The following IL20RA variants were observed in gnomAD, a reference collection of about 807,000 sequenced individuals.
IL20RA encodes the protein interleukin-20 receptor subunit alpha.
In IL20RA, 29 loss-of-function variants were observed where a neutral mutation model predicts 36.5. The ratio of observed to expected loss-of-function variants is 0.79; its 90% CI spans 0.59 to 1.08. IL20RA has a LOEUF of 1.08. Among genes scored for constraint, IL20RA ranks in the 50% least tolerant of loss-of-function variants. The pLI is 0.00. For synonymous variants in IL20RA, 279 were observed against 267.1 expected, an observed-to-expected ratio of 1.04 and a Z score of -0.43; for missense variants, 652 against 668.4, an observed-to-expected ratio of 0.98 and a Z score of 0.27.
rs1775363468 is a variant in IL20RA, at chr6:137,008,756, A to C, written c.580-13T>G. On this transcript the variant is annotated splice_polypyrimidine_tract_variant and intron_variant, in intron 4 of 6. Transcript: ENST00000316649. ...CACACTGGGACCACTAGGATAGGGA[A>C]TTGCAAACATTGGTTAGAGCCAGAC... 3.8e-6 allele frequency: 6 copies of C among 1,562,360 alleles called. No homozygotes were observed. Among genetic ancestry groups the C allele is most frequent in the Non-Finnish European group, 5.2e-6 (6 of 1,154,014 alleles).
At chr6:137,007,513 GA>G (rs1387302279) in intron 5 of IL20RA, among the ~76,000 whole-genome samples, 1 of 152,142 alleles carries the variant, frequency 6.6e-6, no homozygotes, top group Non-Finnish European at 1.5e-5. Flanking sequence ...AGAAGCGGAG[GA>G]ATAATGGATG....
chr6:137,018,862 C>T (rs1253499946), intron 1 of IL20RA, among the ~76,000 whole-genome samples: 5 of 152,112 alleles, frequency 3.3e-5, no homozygotes, highest in Non-Finnish European at 5.9e-5. Flanking sequence ...AATGCTGTGG[C>T]CTACATTTTT....
Position 137,002,173 on chromosome 6 carries a change from C to T in IL20RA, c.1047G>A (p.Arg349=). 6 of 1,614,124 alleles carry T rather than the reference C, an allele frequency of 3.7e-6. No homozygotes were observed. Among genetic ancestry groups the T allele is most frequent in the Non-Finnish European group, 5.1e-6 (6 of 1,179,998 alleles). The change falls in exon 7 of 7, where the codon AGG becomes AGA. Residue 349 remains arginine, a synonymous_variant. Coordinates refer to ENST00000316649, the MANE Select transcript of IL20RA (RefSeq NM_014432.4). ...LNDPQPSGNL[R]PPQEEEEVKH... is the part of the protein sequence containing the mutation. ...TCACCTCCTCTTCCTCCTGAGGGGGCCTCAGGTTCCCGCTGGGCTGAGGAT... is the reference window on the plus strand; with the variant it reads ...TCACCTCCTCTTCCTCCTGAGGGGGTCTCAGGTTCCCGCTGGGCTGAGGAT...
Position 137,009,438 on chromosome 6 carries a change from A to G in IL20RA, c.458T>C (p.Val153Ala). Residue 153 changes from valine (V) to alanine (A), a missense_variant, in exon 4 of 7, where the codon GTT becomes GCT. By Grantham distance (64) the Val-to-Ala change is moderately conservative. Transcript: ENST00000316649. ...CCACTTCTCTGGAGCTGTCAGGACA[A>G]CAGAAATGGACTTCTCATCTGTAGT... Reference protein sequence around the residue: ...ALTTDEKSISVVLTAPEKWKR... With the variant: ...ALTTDEKSISAVLTAPEKWKR... 1.9e-6 allele frequency: 3 copies of G among 1,613,282 alleles called. No homozygotes were observed. Among genetic ancestry groups the G allele is most frequent in the Non-Finnish European group, 1.7e-6 (2 of 1,179,248 alleles).
chr6:137,022,398 G>A (rs1296882655), intron 1 of IL20RA, among the ~76,000 whole-genome samples: 1 of 152,110 alleles, frequency 6.6e-6, no homozygotes, highest in East Asian at 1.9e-4. Flanking sequence ...CCGAGAACAG[G>A]ATTTCTATTA....
At chr6:137,034,876 C>T (rs140373155) in intron 1 of IL20RA, among the ~76,000 whole-genome samples, 433 of 149,112 alleles carry the variant, frequency 2.9e-3, no homozygotes, top group African/African-American at 0.01. Context: ...ACCCGGAAGG[C>T]GGAGGTTGCA....
chr6:137,026,568 T>C (rs1200299630), intron 1 of IL20RA, among the ~76,000 whole-genome samples: 5 of 152,178 alleles, frequency 3.3e-5, no homozygotes, highest in African/African-American at 9.7e-5. Context: ...CATAGGCTTG[T>C]AGGGAAAGAA....
chr6:137,015,861 T>G (rs1775665410), intron 2 of IL20RA, among the ~76,000 whole-genome samples: 1 of 152,200 alleles, frequency 6.6e-6, no homozygotes, highest in African/African-American at 2.4e-5. Context: ...TTTGTCATGT[T>G]GCACAGGTTG....
At chr6:137,014,263 T>A (rs562694486) in intron 2 of IL20RA, among the ~76,000 whole-genome samples, 1 of 152,286 alleles carries the variant, frequency 6.6e-6, no homozygotes, top group African/African-American at 2.4e-5. Flanking sequence ...ATATGGTAAA[T>A]TTTTTTAATT....
intron 1 of IL20RA, among the ~76,000 whole-genome samples, chr6:137,017,745 A>C (rs1775754718): frequency 6.6e-6 from 1 of 152,184 alleles, no homozygotes; most frequent in Non-Finnish European, 1.5e-5. Flanking sequence ...AAAAGGAACC[A>C]ATGAAATAAG....
Position 137,033,077 on chromosome 6 carries a change from A to G in IL20RA, c.88+11564T>C, listed in dbSNP as rs571007403. ...ACCACAAACTAGGTGGCTTAAAACA[A>G]TGGACATTCATTATCTCACAGCTCT... On this transcript the variant is annotated intron_variant, in intron 1 of 6. Coordinates refer to ENST00000316649, the MANE Select transcript of IL20RA (RefSeq NM_014432.4). Among the ~76,000 whole-genome samples, 10 of 152,332 alleles carry G rather than the reference A, an allele frequency of 6.6e-5. No individual in the cohort carries two copies. In the South Asian group the frequency reaches 2.1e-3, roughly 32 times the overall value.
chr6:137,004,163 T>TTTTTTTTTTTG (rs1562228044), intron 6 of IL20RA, among the ~76,000 whole-genome samples: 4 of 98,188 alleles, frequency 4.1e-5, no homozygotes, highest in African/African-American at 1.5e-4. Flanking sequence ...AGAAAGCTTT[T>TTTTTTTTTTTG]TTTTTTTTTT....
chr6:137,042,350 G>T (rs1445447050), intron 1 of IL20RA, among the ~76,000 whole-genome samples: 1 of 152,174 alleles, frequency 6.6e-6, no homozygotes, highest in Non-Finnish European at 1.5e-5. Context: ...GCCTCTGAAG[G>T]GCTTTGAGCA....
chr6:137,020,590 T>C (rs540478365), intron 1 of IL20RA, among the ~76,000 whole-genome samples: 8 of 152,150 alleles, frequency 5.3e-5, no homozygotes, highest in Admixed American at 3.9e-4. Context: ...TTTATGTTTA[T>C]GAAAAAAATT....
At chr6:137,009,087 T>C (rs980894870) in intron 4 of IL20RA, 7 of 602,898 alleles carry the variant, frequency 1.2e-5, no homozygotes, top group Non-Finnish European at 2.1e-5. Flanking sequence ...GTACAATCTC[T>C]CTACACTCCA....
chr6:137,044,379 A>C, intron 1 of IL20RA: 7 of 1,015,130 alleles, frequency 6.9e-6, no homozygotes, highest in Non-Finnish European at 8.5e-6. Flanking sequence ...CCCCACCTCA[A>C]TTCTCGAGAC....
At chr6:137,012,971 A>AT (rs527639709) in intron 2 of IL20RA, among the ~76,000 whole-genome samples, 39 of 149,140 alleles carry the variant, frequency 2.6e-4, no homozygotes, top group East Asian at 1.6e-3. Context: ...AGGGCTTTCA[A>AT]TTTTTTTTTT....
chr6:137,006,263 C>T (rs371819264), intron 5 of IL20RA, among the ~76,000 whole-genome samples: 4 of 152,158 alleles, frequency 2.6e-5, no homozygotes, highest in South Asian at 2.1e-4. Context: ...GGAAAAGTTC[C>T]GCATGCGGGC....
intron 1 of IL20RA, among the ~76,000 whole-genome samples, chr6:137,041,278 G>A (rs889229797): frequency 6.6e-6 from 1 of 152,178 alleles, no homozygotes; most frequent in Admixed American, 6.5e-5. Context: ...TCCCGAAACA[G>A]AAAAAGGGCA....
Sources: allele counts gnomAD v4.1 joint callset (sites outside exome capture counted in the v4.1 genomes callset), GRCh38; gene constraint gnomAD v4.1.1; transcripts MANE v1.5; gene names NCBI Gene and HGNC (gene_info 2026-07-23, HGNC 2026-07-21).